The following SETBP1 variants were observed in gnomAD, a reference collection of about 807,000 sequenced individuals.
The protein encoded by SETBP1 is SET-binding protein.
Under a neutral mutation model 101.0 loss-of-function variants are expected in SETBP1, and 9 were observed. That is an observed-to-expected ratio of 0.09 (90% CI 0.05 to 0.16). The LOEUF (loss-of-function observed/expected upper bound fraction) is 0.16. SETBP1 is among the 10% of genes least tolerant of loss of function. The pLI, the probability that SETBP1 is intolerant of heterozygous loss-of-function variation, is 1.00. For missense variants in SETBP1, 1,858 were observed against 2,033.8 expected (o/e 0.91, Z 1.66); for synonymous variants, 818 against 788.5 (o/e 1.04, Z -0.63).
At chr18:44,700,341 T>C (rs189431234) in intron 1 of SETBP1, among the ~76,000 whole-genome samples, 98 of 152,254 alleles carry the variant, frequency 6.4e-4, no homozygotes, top group African/African-American at 2.3e-3. Context: ...GCTCCTTCTC[T>C]CCCTTTTTCT....
chr18:44,914,805 C>T (rs1408801599), intron 3 of SETBP1, among the ~76,000 whole-genome samples: 2 of 152,068 alleles, frequency 1.3e-5, no homozygotes, highest in African/African-American at 2.4e-5. Flanking sequence ...CTCCAATTCC[C>T]AGACCAGTGC....
At chr18:45,044,598 T>C (rs2073572124) in intron 5 of SETBP1, among the ~76,000 whole-genome samples, 1 of 152,182 alleles carries the variant, frequency 6.6e-6, no homozygotes, top group African/African-American at 2.4e-5. Context: ...GCAGCTGAGC[T>C]TCTCCTATGG....
chr18:44,995,290 TGCCACCATGCCCG>T (rs2072469151), intron 4 of SETBP1, among the ~76,000 whole-genome samples: 1 of 151,826 alleles, frequency 6.6e-6, no homozygotes. Context: ...TACAGGCACC[TGCCACCATGCCCG>T]ACTAATTTTT....
chr18:44,920,762 A>G (rs2070561387), intron 3 of SETBP1, among the ~76,000 whole-genome samples: 2 of 152,176 alleles, frequency 1.3e-5, no homozygotes, highest in South Asian at 2.1e-4. Context: ...CTGGGAGTCT[A>G]TGGAAAGCTC....
intron 4 of SETBP1, among the ~76,000 whole-genome samples, chr18:44,982,209 A>G (rs8091728): frequency 0.21 from 32,221 of 152,118 alleles, 3,815 homozygotes; most frequent in East Asian, 0.55. Flanking sequence ...AAAATATACA[A>G]ATTGGGTGAG....
chr18:44,752,009 C>T (rs2070390081), intron 2 of SETBP1, among the ~76,000 whole-genome samples: 1 of 152,170 alleles, frequency 6.6e-6, no homozygotes. Context: ...TATTAGCCAT[C>T]TCACCTTGAC....
At chr18:44,953,376 T>A in intron 4 of SETBP1, 36 bp downstream of exon 4, 1 of 1,571,354 alleles carries the variant, frequency 6.4e-7, no homozygotes, top group Non-Finnish European at 8.7e-7. Flanking sequence ...GATTATCAAG[T>A]TATTTCATTG....
At chr18:44,978,973 C>T (rs1361902027) in intron 4 of SETBP1, among the ~76,000 whole-genome samples, 1 of 152,220 alleles carries the variant, frequency 6.6e-6, no homozygotes, top group African/African-American at 2.4e-5. Flanking sequence ...TCATGTGTCT[C>T]ACAAGGGGCT....
At chr18:44,800,627 G>T (rs16978174) in intron 2 of SETBP1, among the ~76,000 whole-genome samples, 1 of 152,146 alleles carries the variant, frequency 6.6e-6, no homozygotes, top group Non-Finnish European at 1.5e-5. Flanking sequence ...CAATGAGGAC[G>T]TTTTTCCAAA....
At chr18:44,704,986 C>A (rs1172192525) in intron 2 of SETBP1, among the ~76,000 whole-genome samples, 1 of 152,064 alleles carries the variant, frequency 6.6e-6, no homozygotes, top group Non-Finnish European at 1.5e-5. Context: ...GCTAGTGATT[C>A]CTACTAGGGA....
chr18:44,841,019 A>G (rs1353878009), intron 2 of SETBP1, among the ~76,000 whole-genome samples: 1 of 152,256 alleles, frequency 6.6e-6, no homozygotes, highest in East Asian at 1.9e-4. Flanking sequence ...TGTATTAGCT[A>G]TCTATTGCTG....
intron 2 of SETBP1, among the ~76,000 whole-genome samples, chr18:44,707,699 A>G (rs897918479): frequency 1.3e-5 from 2 of 152,370 alleles, no homozygotes; most frequent in South Asian, 2.1e-4. Flanking sequence ...ATAGGAAAAA[A>G]GTTTCTTAGG....
At chr18:44,774,538 T>A (rs1283377084) in intron 2 of SETBP1, among the ~76,000 whole-genome samples, 1 of 152,182 alleles carries the variant, frequency 6.6e-6, no homozygotes, top group Non-Finnish European at 1.5e-5. Flanking sequence ...TAGGTGGTGA[T>A]CACAAGTAGG....
At chr18:44,826,350 C>A (rs1033382446) in intron 2 of SETBP1, among the ~76,000 whole-genome samples, 1 of 152,168 alleles carries the variant, frequency 6.6e-6, no homozygotes. Flanking sequence ...TCATTGCATT[C>A]AGCTCTTTGG....
At chr18:45,021,820 G>A (rs1568033099) in intron 4 of SETBP1, among the ~76,000 whole-genome samples, 1 of 151,856 alleles carries the variant, frequency 6.6e-6, no homozygotes, top group Admixed American at 6.6e-5. Flanking sequence ...ATAATCATTT[G>A]AGCATGGGTT....
intron 3 of SETBP1, among the ~76,000 whole-genome samples, chr18:44,885,857 C>CAAAAAA (rs1555696149): frequency 1.3e-5 from 1 of 78,166 alleles, no homozygotes; most frequent in African/African-American, 5.8e-5. Context: ...AAAAAAAAAA[C>CAAAAAA]AAAAAAAAAA....
In SETBP1 at chr18:44,950,214, T is replaced by A. The variant is rs886053789; in HGVS notation, c.874T>A (p.Ser292Thr). ...TCTGCTCTTGGGAGGTGTGGCTCCA[T>A]CCCCAAGCAGCCACAGCTCACCAGC... Reference protein sequence around the residue: ...KDLLLGGVAPSPSSHSSPAPP... With the variant: ...KDLLLGGVAPTPSSHSSPAPP... The change falls in exon 4 of 6, where the codon TCC becomes ACC. Residue 292 changes from serine to threonine, a missense_variant. By Grantham distance (58) the Ser-to-Thr change is moderately conservative. Transcript: ENST00000649279. The A allele has an allele frequency of 6.2e-7, 1 of 1,613,808 alleles. No homozygotes were observed. The highest frequency in any genetic ancestry group is 8.5e-7 in the Non-Finnish European group (1 of 1,180,022).
chr18:44,853,181 C>A (rs1235368179), intron 2 of SETBP1, among the ~76,000 whole-genome samples: 1 of 152,208 alleles, frequency 6.6e-6, no homozygotes, highest in Non-Finnish European at 1.5e-5. Context: ...AGTTGCCAAC[C>A]TTATGCTGAG....
At position 45,065,533 on chromosome 18, in the gene SETBP1, G is replaced by A. The variant is rs2073955397; in HGVS notation, c.*1835G>A. Reference sequence around the variant, plus strand: ...TGGCAACATAAAAGAATAAGTGATGGGGTATCTATGTGAGTAAATTTTTAA... The same window carrying A: ...TGGCAACATAAAAGAATAAGTGATGAGGTATCTATGTGAGTAAATTTTTAA... On this transcript the variant is annotated 3_prime_UTR_variant, in exon 6 of 6. Transcript: ENST00000649279. 6.6e-6 allele frequency: 1 copy of A among 152,166 alleles called. No individual in the cohort carries two copies. Among genetic ancestry groups the A allele is most frequent in the South Asian group, 2.1e-4 (1 of 4,828 alleles). The allele number at this position is 152,166 out of a possible 1,614,324, so 9.4% of individuals were successfully genotyped here.
Sources: allele counts gnomAD v4.1 joint callset (sites outside exome capture counted in the v4.1 genomes callset), GRCh38; gene constraint gnomAD v4.1.1; transcripts MANE v1.5; gene names NCBI Gene and HGNC (gene_info 2026-07-23, HGNC 2026-07-21).